ZNF892: variants seen among roughly 807,000 people sequenced by gnomAD.
ZNF892 encodes zinc finger protein 570-like.
At chr2:95,248,351 GGA>G in the ZNF892 span, among the ~76,000 whole-genome samples, 3 of 152,108 alleles carry the variant, frequency 2.0e-5, no homozygotes, top group African/African-American at 7.2e-5. Context: ...GAGTAAGTGG[GGA>G]GAGAGAGGCA....
the ZNF892 span, chr2:95,215,640 T>C: frequency 2.5e-6 from 1 of 398,682 alleles, no homozygotes. Flanking sequence ...AGCATAGTTA[T>C]TGAGCATTTA....
chr2:95,249,122 T>C, the ZNF892 span, among the ~76,000 whole-genome samples: 1 of 150,594 alleles, frequency 6.6e-6, no homozygotes, highest in Non-Finnish European at 1.5e-5. Flanking sequence ...TTTTCTCCCA[T>C]ACTTTGAACA....
the ZNF892 span, among the ~76,000 whole-genome samples, chr2:95,243,342 G>T: frequency 6.7e-6 from 1 of 148,896 alleles, no homozygotes; most frequent in Non-Finnish European, 1.5e-5. Context: ...CCCTCTGCCT[G>T]GCTGCCCAGT....
the ZNF892 span, chr2:95,215,738 A>G: frequency 2.5e-6 from 1 of 396,968 alleles, no homozygotes; most frequent in East Asian, 3.6e-5. Flanking sequence ...GGGAGGTAAC[A>G]TGATTAGACT....
the ZNF892 span, among the ~76,000 whole-genome samples, chr2:95,230,015 GTA>G: frequency 5.4e-5 from 8 of 149,086 alleles, no homozygotes; most frequent in East Asian, 2.0e-4. Flanking sequence ...TTTTTCTGTG[GTA>G]TATATATATA....
the ZNF892 span, among the ~76,000 whole-genome samples, chr2:95,246,239 A>G: frequency 6.6e-6 from 1 of 152,250 alleles, no homozygotes; most frequent in Non-Finnish European, 1.5e-5. Context: ...GTGATTAATC[A>G]CATAAACAGA....
chr2:95,215,913 G>A, the ZNF892 span, among the ~76,000 whole-genome samples: 1 of 152,154 alleles, frequency 6.6e-6, no homozygotes, highest in Admixed American at 6.5e-5. Flanking sequence ...TCTTGACTGT[G>A]CCAGGTATTT....
the ZNF892 span, among the ~76,000 whole-genome samples, chr2:95,231,410 G>C: frequency 6.6e-6 from 1 of 152,192 alleles, no homozygotes. Flanking sequence ...GCCTGGGAAG[G>C]GGCAGAACAA....
chr2:95,237,518 A>G, the ZNF892 span, among the ~76,000 whole-genome samples: 2 of 152,100 alleles, frequency 1.3e-5, no homozygotes, highest in Non-Finnish European at 2.9e-5. Flanking sequence ...GGGCCTCCCT[A>G]TTTCCCTGAG....
the ZNF892 span, among the ~76,000 whole-genome samples, chr2:95,221,550 G>A: frequency 1.1e-4 from 16 of 152,226 alleles, 1 homozygote; most frequent in South Asian, 3.3e-3. Flanking sequence ...GGTATGGTTG[G>A]TTTTAGGGGC....
At chr2:95,219,006 T>A in the ZNF892 span, among the ~76,000 whole-genome samples, 1 of 148,702 alleles carries the variant, frequency 6.7e-6, no homozygotes, top group African/African-American at 2.6e-5. Context: ...TTCTTTTTTT[T>A]GTTTGTTTGT....
the ZNF892 span, among the ~76,000 whole-genome samples, chr2:95,240,117 T>TG: frequency 6.6e-6 from 1 of 150,412 alleles, no homozygotes. Context: ...AGTTCAAGGT[T>TG]GAAAAAAAAA....
chr2:95,241,107 A>G, the ZNF892 span, among the ~76,000 whole-genome samples: 1 of 152,182 alleles, frequency 6.6e-6, no homozygotes, highest in Non-Finnish European at 1.5e-5. Flanking sequence ...CCAGACCTGG[A>G]AGTGTCCCCA....
At chr2:95,253,865 T>C in the ZNF892 span, among the ~76,000 whole-genome samples, 1 of 152,216 alleles carries the variant, frequency 6.6e-6, no homozygotes, top group South Asian at 2.1e-4. Flanking sequence ...GGGAGTTCAC[T>C]CATGATTTGG....
the ZNF892 span, chr2:95,211,483 G>C: frequency 2.5e-6 from 1 of 393,400 alleles, no homozygotes; most frequent in South Asian, 1.4e-4. Context: ...GTACTGGAAA[G>C]GGTGGCCAAG....
the ZNF892 span, chr2:95,211,870 T>C: frequency 6.8e-5 from 27 of 397,094 alleles, no homozygotes; most frequent in African/African-American, 3.9e-4. Flanking sequence ...TTTCTGGATA[T>C]AGTTTTAACA....
chr2:95,243,830 G>A, the ZNF892 span, among the ~76,000 whole-genome samples: 7 of 152,166 alleles, frequency 4.6e-5, no homozygotes, highest in Admixed American at 6.5e-5. Context: ...CCACCACCCC[G>A]TCTGGGAGGT....
chr2:95,255,228 T>G, the ZNF892 span, among the ~76,000 whole-genome samples: 1 of 152,204 alleles, frequency 6.6e-6, no homozygotes, highest in Non-Finnish European at 1.5e-5. Context: ...TGCTATAAAT[T>G]TCCCTCTACA....
At chr2:95,260,335 A>G in the ZNF892 span, among the ~76,000 whole-genome samples, 1 of 151,768 alleles carries the variant, frequency 6.6e-6, no homozygotes, top group African/African-American at 2.4e-5. Flanking sequence ...CTTCACACTG[A>G]CTTTGAAACA....
Sources: gnomAD v4.1 joint callset for allele counts (sites outside exome capture counted in the v4.1 genomes callset) on GRCh38, gnomAD v4.1.1 for gene constraint, MANE v1.5 for transcripts, NCBI Gene and HGNC (gene_info 2026-07-23, HGNC 2026-07-21) for gene names.